Variants in R3HDM2 observed in about 807,000 individuals in gnomAD.
R3HDM2 encodes R3H domain containing 2, also known as R3H domain-containing protein 2.
In R3HDM2, 38 loss-of-function variants were observed where a neutral mutation model predicts 124.5. The ratio of observed to expected loss-of-function variants is 0.31; its 90% CI spans 0.24 to 0.40. R3HDM2 has a LOEUF of 0.40. R3HDM2 is among the 10% of genes least tolerant of loss of function. The pLI is 1.00. For synonymous variants in R3HDM2, 391 were observed against 448.0 expected, an observed-to-expected ratio of 0.87 and a Z score of 1.61; for missense variants, 869 against 1,236.9, an observed-to-expected ratio of 0.70 and a Z score of 4.46.
chr12:57,384,423 C>A (rs368875513), intron 2 of R3HDM2, among the ~76,000 whole-genome samples: 1 of 151,166 alleles, frequency 6.6e-6, no homozygotes. Flanking sequence ...AGAGGTTTAA[C>A]AAGAGATCAA....
chr12:57,320,287 A>AAAAAAAAAAAAAAAAG (rs1566135789), intron 2 of R3HDM2, among the ~76,000 whole-genome samples: 1 of 147,452 alleles, frequency 6.8e-6, no homozygotes, highest in Non-Finnish European at 1.5e-5. Flanking sequence ...AAAAAAAAAA[A>AAAAAAAAAAAAAAAAG]AGCCTTAAAC....
intron 2 of R3HDM2, among the ~76,000 whole-genome samples, chr12:57,334,031 C>T (rs887223269): frequency 4.0e-5 from 6 of 150,352 alleles, no homozygotes; most frequent in African/African-American, 9.8e-5. Context: ...AGCGAGACTC[C>T]GTCTCAAAAA....
At chr12:57,348,722 G>GAAAAAAAAAAAAA (rs2060335325) in intron 2 of R3HDM2, among the ~76,000 whole-genome samples, 1 of 38,728 alleles carries the variant, frequency 2.6e-5, no homozygotes, top group African/African-American at 9.8e-5. Flanking sequence ...AAAAAAAAAA[G>GAAAAAAAAAAAAA]AGAGAGAAAA....
chr12:57,348,693 CAAA>C (rs1168127324), intron 2 of R3HDM2, among the ~76,000 whole-genome samples: 7 of 25,148 alleles, frequency 2.8e-4, no homozygotes, highest in African/African-American at 9.9e-4. Context: ...GACTCCGTCT[CAAA>C]AAAAAAAAAA....
At chr12:57,260,263 C>A (rs1193285158) in intron 19 of R3HDM2, among the ~76,000 whole-genome samples, 181 of 31,520 alleles carry the variant, frequency 5.7e-3, no homozygotes, top group East Asian at 0.011. Flanking sequence ...GACCCTGCCT[C>A]AAAAAAAAAA....
chr12:57,305,185 A>C (rs1259081905), intron 3 of R3HDM2, among the ~76,000 whole-genome samples: 1 of 152,108 alleles, frequency 6.6e-6, no homozygotes, highest in South Asian at 2.1e-4. Flanking sequence ...GCTCCGTTTC[A>C]AAAAAAATAA....
At chr12:57,382,775 G>A (rs953513448) in intron 2 of R3HDM2, among the ~76,000 whole-genome samples, 6 of 151,834 alleles carry the variant, frequency 4.0e-5, no homozygotes, top group Non-Finnish European at 7.4e-5. Context: ...GGCGGAGCTT[G>A]CAGTGAGCTG....
chr12:57,265,889 C>T lies in R3HDM2; in HGVS notation c.2131+842G>A, dbSNP rs530754645. Among the ~76,000 whole-genome samples the T allele has an allele frequency of 4.6e-5, 7 of 151,778 alleles. No individual in the cohort carries two copies. In the East Asian group the frequency reaches 7.8e-4, roughly 17 times the overall value. On this transcript the variant is annotated intron_variant, in intron 19 of 23. Transcript: ENST00000402412. ...TCGGCTCACTGCAAGCTCCGTCTCC[C>T]GGGTTCAAGCATTTCTTGTGCCTCA...
chr12:57,360,048 T>TACA (rs58471413), intron 2 of R3HDM2, among the ~76,000 whole-genome samples: 1 of 59,262 alleles, frequency 1.7e-5, no homozygotes, highest in Non-Finnish European at 3.0e-5. Context: ...TATATATATA[T>TACA]TTTTTTTTTT....
Position 57,269,436 on chromosome 12 carries a change from TAAGA to T in R3HDM2, c.1597_1600del (p.Ser533ThrfsTer43). ...GTTAGGATATTGTCCAGGGGGATAG[TAAGA>T]AACCTGGATCTATGGTGAGAGGAGA... On this transcript the variant is annotated frameshift_variant, in exon 16 of 24. Coordinates refer to ENST00000402412, the MANE Select transcript of R3HDM2 (RefSeq NM_001394031.1). LOFTEE classifies it high-confidence loss of function. 1 of 1,614,040 alleles carries T rather than the reference TAAGA, an allele frequency of 6.2e-7. No homozygotes were observed. Among genetic ancestry groups the T allele is most frequent in the Non-Finnish European group, 8.5e-7 (1 of 1,179,988 alleles).
At chr12:57,368,854 T>A (rs1399809204) in intron 2 of R3HDM2, among the ~76,000 whole-genome samples, 12 of 152,038 alleles carry the variant, frequency 7.9e-5, no homozygotes, top group Admixed American at 6.6e-4. Flanking sequence ...CCGAGGGTGA[T>A]CTTGCGGACC....
intron 18 of R3HDM2, among the ~76,000 whole-genome samples, chr12:57,267,262 T>A: frequency 6.7e-6 from 1 of 149,952 alleles, no homozygotes; most frequent in African/African-American, 2.4e-5. Context: ...ATTTTTGGCC[T>A]AAAAAAAAAG....
intron 2 of R3HDM2, among the ~76,000 whole-genome samples, chr12:57,318,422 G>A (rs536489864): frequency 8.9e-4 from 135 of 151,814 alleles, no homozygotes; most frequent in African/African-American, 3.2e-3. Flanking sequence ...GGGCCGAGGT[G>A]GGCAGATCAC....
At chr12:57,280,271 C>A in intron 14 of R3HDM2, 87 bp downstream of exon 14, 7 of 1,341,228 alleles carry the variant, frequency 5.2e-6, no homozygotes, top group Non-Finnish European at 5.0e-6. Context: ...ATCCTTCCTG[C>A]CACCCACAGC....
At chr12:57,356,428 TG>T (rs1262270232) in intron 2 of R3HDM2, among the ~76,000 whole-genome samples, 1 of 152,256 alleles carries the variant, frequency 6.6e-6, no homozygotes, top group African/African-American at 2.4e-5. Context: ...CTTGAATTTC[TG>T]TGATAAACCC....
intron 2 of R3HDM2, among the ~76,000 whole-genome samples, chr12:57,383,771 G>C (rs1304345353): frequency 6.6e-6 from 1 of 152,108 alleles, no homozygotes; most frequent in Non-Finnish European, 1.5e-5. Context: ...TGAGGGTCCT[G>C]CTTGCTTAGA....
chr12:57,263,111 A>T (rs1432242545), intron 19 of R3HDM2, among the ~76,000 whole-genome samples: 1 of 152,246 alleles, frequency 6.6e-6, no homozygotes, highest in Non-Finnish European at 1.5e-5. Flanking sequence ...GTAGGTAATG[A>T]AAAATTCTTT....
intron 2 of R3HDM2, among the ~76,000 whole-genome samples, chr12:57,392,871 T>C (rs1566467537): frequency 6.7e-6 from 1 of 148,964 alleles, no homozygotes; most frequent in South Asian, 2.2e-4. Flanking sequence ...GTGGCACGAT[T>C]TTGGCTCACC....
intron 19 of R3HDM2, among the ~76,000 whole-genome samples, chr12:57,263,125 CTTGAT>C (rs2041305558): frequency 6.6e-6 from 1 of 152,084 alleles, no homozygotes; most frequent in African/African-American, 2.4e-5. Flanking sequence ...ATTCTTTTCA[CTTGAT>C]TTGTTTATGG....
Sources: allele counts gnomAD v4.1 joint callset (sites outside exome capture counted in the v4.1 genomes callset), GRCh38; gene constraint gnomAD v4.1.1; transcripts MANE v1.5; gene names NCBI Gene and HGNC (gene_info 2026-07-23, HGNC 2026-07-21).